The following FBXW7 variants were observed in gnomAD, a reference collection of about 807,000 sequenced individuals.
The protein encoded by FBXW7 is F-box/WD repeat-containing protein 7.
FBXW7 carries 11 observed loss-of-function variants against 86.3 expected under a neutral mutation model. The ratio of observed to expected loss-of-function variants is 0.13; its 90% CI spans 0.08 to 0.21. The LOEUF (loss-of-function observed/expected upper bound fraction) is 0.21, where lower values mean the gene tolerates loss of function less well. Among genes scored for constraint, FBXW7 ranks in the 10% least tolerant of loss-of-function variants. The pLI is 1.00. For synonymous variants in FBXW7, 313 were observed against 297.9 expected, an observed-to-expected ratio of 1.05 and a Z score of -0.52; for missense variants, 488 against 847.4, an observed-to-expected ratio of 0.58 and a Z score of 5.27.
In FBXW7 at chr4:152,466,805, G is replaced by A. The variant is rs989091769; in HGVS notation, c.-119-54276C>T. 5.9e-5 allele frequency among the ~76,000 whole-genome samples: 9 copies of A among 151,994 alleles called. No individual in the cohort carries two copies. In the South Asian group the frequency reaches 6.2e-4, roughly 11 times the overall value. On this transcript the variant is annotated intron_variant, in intron 2 of 13. Transcript: ENST00000281708. The stretch of plus-strand genomic sequence containing the variant: ...AAAATACAAAAAATTAGCCAGGCGC[G>A]GTGGCGGGCACCTGTAGTCCCAGCT...
chr4:152,323,740 T>C (rs1728756070), intron 13 of FBXW7: 1 of 175,290 alleles, frequency 5.7e-6, no homozygotes. Context: ...GGCACTATTA[T>C]TCCTCTCCAT....
chr4:152,359,839 G>T (rs1413864250), intron 4 of FBXW7, among the ~76,000 whole-genome samples: 2 of 152,094 alleles, frequency 1.3e-5, no homozygotes, highest in Admixed American at 6.6e-5. Flanking sequence ...TGCCAAATTG[G>T]GTGGAGTGAG....
At chr4:152,332,754 T>G in intron 7 of FBXW7, 35 bp from the exon 8 acceptor site, 1 of 1,001,304 alleles carries the variant, frequency 1.0e-6, no homozygotes, top group Non-Finnish European at 1.3e-6. Flanking sequence ...TACCCATATT[T>G]AAATAAATAT....
intron 2 of FBXW7, among the ~76,000 whole-genome samples, chr4:152,528,769 TATC>T (rs1749754898): frequency 6.6e-6 from 1 of 152,084 alleles, no homozygotes; most frequent in East Asian, 1.9e-4. Context: ...ACCAAGGAGG[TATC>T]ATCAGAAAGC....
At chr4:152,323,552 A>G in intron 13 of FBXW7, 1 of 195,204 alleles carries the variant, frequency 5.1e-6, no homozygotes, top group East Asian at 1.2e-4. Flanking sequence ...TCACTATTCC[A>G]AAACTCTGAG....
chr4:152,430,937 CT>C (rs2126948655), intron 2 of FBXW7, among the ~76,000 whole-genome samples: 1 of 152,318 alleles, frequency 6.6e-6, no homozygotes, highest in Non-Finnish European at 1.5e-5. Context: ...ATATATTTCT[CT>C]TTTCCAATTC....
At chr4:152,456,183 A>T (rs1244783540) in intron 2 of FBXW7, among the ~76,000 whole-genome samples, 1 of 152,088 alleles carries the variant, frequency 6.6e-6, no homozygotes, top group East Asian at 1.9e-4. Flanking sequence ...TTTAGCACAT[A>T]GAAAGAACTC....
intron 2 of FBXW7, among the ~76,000 whole-genome samples, chr4:152,515,880 T>G (rs534999390): frequency 6.6e-6 from 1 of 152,342 alleles, no homozygotes; most frequent in East Asian, 1.9e-4. Context: ...TCCAGCATTT[T>G]TCTTCCTTAG....
At chr4:152,429,528 A>G (rs1393528208) in intron 2 of FBXW7, among the ~76,000 whole-genome samples, 1 of 152,126 alleles carries the variant, frequency 6.6e-6, no homozygotes, top group Non-Finnish European at 1.5e-5. Context: ...GCATCACGTC[A>G]CTGTCACCTG....
intron 7 of FBXW7, among the ~76,000 whole-genome samples, chr4:152,336,091 A>G (rs1460727050): frequency 6.6e-6 from 1 of 152,136 alleles, no homozygotes; most frequent in African/African-American, 2.4e-5. Flanking sequence ...CTATATCATT[A>G]TTTATCCACT....
intron 2 of FBXW7, among the ~76,000 whole-genome samples, chr4:152,517,348 T>C (rs1370150487): frequency 6.6e-6 from 1 of 152,226 alleles, no homozygotes; most frequent in Admixed American, 6.5e-5. Context: ...TAAAGTCTAC[T>C]ATCTAATTAA....
chr4:152,381,674 G>C (rs757543407), intron 4 of FBXW7, among the ~76,000 whole-genome samples: 1 of 151,922 alleles, frequency 6.6e-6, no homozygotes, highest in Non-Finnish European at 1.5e-5. Flanking sequence ...CCACACAATA[G>C]CATGCTATTT....
At chr4:152,481,458 G>A (rs142934535) in intron 2 of FBXW7, among the ~76,000 whole-genome samples, 190 of 152,264 alleles carry the variant, frequency 1.2e-3, no homozygotes, top group Non-Finnish European at 2.1e-3. Flanking sequence ...CATTCAGCAG[G>A]CCATGGATTG....
At chr4:152,457,355 T>C (rs1742508180) in intron 2 of FBXW7, among the ~76,000 whole-genome samples, 1 of 152,012 alleles carries the variant, frequency 6.6e-6, no homozygotes, top group Non-Finnish European at 1.5e-5. Context: ...TAATTAGAAC[T>C]CAATAGGCCG....
At chr4:152,444,879 T>A (rs545175706) in intron 2 of FBXW7, among the ~76,000 whole-genome samples, 9 of 152,210 alleles carry the variant, frequency 5.9e-5, no homozygotes, top group Non-Finnish European at 1.2e-4. Flanking sequence ...CTGTCCAGGC[T>A]GGACTGCAGT....
intron 2 of FBXW7, among the ~76,000 whole-genome samples, chr4:152,475,174 C>T (rs1744284237): frequency 6.6e-6 from 1 of 151,388 alleles, no homozygotes; most frequent in South Asian, 2.1e-4. Context: ...AGTGTGGTGG[C>T]TAATGCCTGT....
At chr4:152,407,966 C>G (rs746389652) in intron 4 of FBXW7, among the ~76,000 whole-genome samples, 3 of 152,206 alleles carry the variant, frequency 2.0e-5, no homozygotes, top group Non-Finnish European at 4.4e-5. Flanking sequence ...GCTGGGATCA[C>G]AGGTGTGAGC....
chr4:152,410,532 A>C (rs1288312007), intron 4 of FBXW7, among the ~76,000 whole-genome samples: 1 of 151,134 alleles, frequency 6.6e-6, no homozygotes, highest in Non-Finnish European at 1.5e-5. Flanking sequence ...CATTTTAGAA[A>C]GTAAGGTTTT....
intron 2 of FBXW7, among the ~76,000 whole-genome samples, chr4:152,527,901 C>CACATAT (rs71596295): frequency 4.7e-5 from 7 of 149,188 alleles, no homozygotes; most frequent in South Asian, 2.1e-4. Flanking sequence ...CACACACACA[C>CACATAT]ATATATATAC....
Sources: allele counts gnomAD v4.1 joint callset (sites outside exome capture counted in the v4.1 genomes callset), GRCh38; gene constraint gnomAD v4.1.1; transcripts MANE v1.5; gene names NCBI Gene and HGNC (gene_info 2026-07-23, HGNC 2026-07-21).